HEATR4: variants seen among roughly 807,000 people sequenced by gnomAD.
HEATR4 encodes the protein HEAT repeat containing 4, also known as HEAT repeat-containing protein 4.
In HEATR4, 95 loss-of-function variants were observed where a neutral mutation model predicts 108.8. The observed-to-expected ratio is 0.87, with a 90% confidence interval of 0.74 to 1.04. The LOEUF is 1.04. HEATR4 is among the 50% of genes least tolerant of loss of function. The pLI is 0.00. For synonymous variants in HEATR4, 443 were observed against 459.4 expected (o/e 0.96, Z 0.46); for missense variants, 1,152 against 1,253.8 (o/e 0.92, Z 1.23).
At chr14:73,610,188 G>GCCTGATC in the HEATR4 span, among the ~76,000 whole-genome samples, 1 of 151,964 alleles carries the variant, frequency 6.6e-6, no homozygotes, top group African/African-American at 2.4e-5. Context: ...CTCCAAGCAA[G>GCCTGATC]CCTGATCATC....
chr14:73,582,885 TC>T, the HEATR4 span: 1 of 152,080 alleles, frequency 6.6e-6, no homozygotes, highest in Admixed American at 6.6e-5. Flanking sequence ...TCCAAAATAT[TC>T]TTTTTCCTTT....
chr14:73,602,010 G>A, the HEATR4 span, among the ~76,000 whole-genome samples: 5 of 151,028 alleles, frequency 3.3e-5, no homozygotes, highest in African/African-American at 7.3e-5. Flanking sequence ...GTGTAATCTC[G>A]GCTCACCACA....
the HEATR4 span, among the ~76,000 whole-genome samples, chr14:73,598,761 G>A: frequency 4.6e-5 from 7 of 152,068 alleles, no homozygotes; most frequent in Admixed American, 1.3e-4. Context: ...CCAGCACTTC[G>A]AGAGGCCAAA....
At chr14:73,562,360 A>C (rs1315479924), upstream of HEATR4, among the ~76,000 whole-genome samples, 1 of 152,056 alleles carries the variant, frequency 6.6e-6, no homozygotes, top group Non-Finnish European at 1.5e-5. Flanking sequence ...TAAGCTGAGG[A>C]TGTACATAAC....
chr14:73,483,272 G>A (rs942758983), intron 17 of HEATR4, among the ~76,000 whole-genome samples: 6 of 152,180 alleles, frequency 3.9e-5, no homozygotes, highest in African/African-American at 1.4e-4. Context: ...AAGAAATATA[G>A]ACAGTCTTCT....
chr14:73,590,268 C>A, the HEATR4 span, among the ~76,000 whole-genome samples: 4 of 152,204 alleles, frequency 2.6e-5, no homozygotes, highest in Admixed American at 2.0e-4. Flanking sequence ...TCCACCTCCC[C>A]ACTAGATTAG....
intron 17 of HEATR4, among the ~76,000 whole-genome samples, chr14:73,480,013 A>G (rs1410549435): frequency 6.6e-6 from 1 of 152,276 alleles, no homozygotes. Flanking sequence ...ACACATTTGT[A>G]GAAGGAACAC....
At chr14:73,592,910 C>T in the HEATR4 span, among the ~76,000 whole-genome samples, 1 of 152,212 alleles carries the variant, frequency 6.6e-6, no homozygotes, top group Non-Finnish European at 1.5e-5. Flanking sequence ...ACGGTTTTTA[C>T]TTGCATTCTA....
chr14:73,495,025 G>C (rs894505033), intron 16 of HEATR4, among the ~76,000 whole-genome samples: 1 of 148,184 alleles, frequency 6.7e-6, no homozygotes, highest in Non-Finnish European at 1.5e-5. Flanking sequence ...TTTTAAGGGA[G>C]AAAATAAATG....
intron 2 of HEATR4, among the ~76,000 whole-genome samples, chr14:73,524,511 A>G (rs1888210609): frequency 6.6e-6 from 1 of 150,974 alleles, no homozygotes; most frequent in Non-Finnish European, 1.5e-5. Flanking sequence ...CCTTGGCCTA[A>G]TAATGATAGT....
At chr14:73,608,604 C>T in the HEATR4 span, among the ~76,000 whole-genome samples, 8 of 152,170 alleles carry the variant, frequency 5.3e-5, no homozygotes, top group African/African-American at 1.4e-4. Context: ...AACTTTCCCA[C>T]GCTTTCCTGT....
At chr14:73,620,326 C>T in the HEATR4 span, among the ~76,000 whole-genome samples, 5 of 152,202 alleles carry the variant, frequency 3.3e-5, no homozygotes, top group Admixed American at 3.3e-4. Context: ...CCTTCCGTCA[C>T]TGCTAGGTCC....
intron 5 of HEATR4, among the ~76,000 whole-genome samples, chr14:73,517,969 C>T (rs1887727864): frequency 1.3e-5 from 2 of 152,132 alleles, no homozygotes; most frequent in Admixed American, 6.5e-5. Context: ...ACCTGTAGTC[C>T]CAGCTACTCG....
intron 1 of HEATR4, among the ~76,000 whole-genome samples, chr14:73,556,918 A>C (rs1202092186): frequency 8.8e-6 from 1 of 113,246 alleles, no homozygotes; most frequent in African/African-American, 2.9e-5. Flanking sequence ...CAATTAAAAG[A>C]GAGGGTGCTT....
the HEATR4 span, among the ~76,000 whole-genome samples, chr14:73,600,949 C>T: frequency 1.0e-4 from 15 of 149,034 alleles, no homozygotes; most frequent in South Asian, 6.4e-4. Flanking sequence ...GAGACCAGCC[C>T]GGCCAACATG....
At chr14:73,604,202 T>C in the HEATR4 span, among the ~76,000 whole-genome samples, 1 of 134,272 alleles carries the variant, frequency 7.4e-6, no homozygotes, top group African/African-American at 2.8e-5. Flanking sequence ...TCTCGCTCTA[T>C]AACCCAGGCT....
chr14:73,625,920 G>A, the HEATR4 span, among the ~76,000 whole-genome samples: 21 of 152,260 alleles, frequency 1.4e-4, no homozygotes, highest in Admixed American at 1.4e-3. Context: ...GAAGAGTCTC[G>A]GGTCTCTCAC....
the HEATR4 span, chr14:73,573,563 C>A: frequency 1.2e-6 from 2 of 1,613,696 alleles, no homozygotes; most frequent in Non-Finnish European, 1.7e-6. Context: ...TTGAAGAAGC[C>A]ATGAACTACT....
chr14:73,521,415 G>C (rs1887971168), intron 3 of HEATR4, among the ~76,000 whole-genome samples: 1 of 152,166 alleles, frequency 6.6e-6, no homozygotes, highest in East Asian at 1.9e-4. Context: ...TCTGTGTGTG[G>C]TTATTTAATG....
Sources: gnomAD v4.1 joint callset for allele counts (sites outside exome capture counted in the v4.1 genomes callset) on GRCh38, gnomAD v4.1.1 for gene constraint, MANE v1.5 for transcripts, NCBI Gene and HGNC (gene_info 2026-07-23, HGNC 2026-07-21) for gene names.